ANKDD1B: variants seen among roughly 807,000 people sequenced by gnomAD.
ANKDD1B encodes the protein ankyrin repeat and death domain-containing protein 1B.
In ANKDD1B, 57 loss-of-function variants were observed where a neutral mutation model predicts 59.7. The ratio of observed to expected loss-of-function variants is 0.95; its 90% CI spans 0.77 to 1.19. The LOEUF (loss-of-function observed/expected upper bound fraction) is 1.19. Ranked by LOEUF, ANKDD1B falls within the 50% of genes most tolerant of loss-of-function variation. The probability of loss-of-function intolerance (pLI) is 0.00; values close to 1 mark genes in which losing one functional copy is unlikely to be tolerated. For synonymous variants in ANKDD1B, 216 were observed against 239.5 expected (o/e 0.90, Z 0.91); for missense variants, 602 against 641.9 (o/e 0.94, Z 0.67).
chr5:75,637,669 G>GT (rs1031415966), intron 7 of ANKDD1B, among the ~76,000 whole-genome samples: 1 of 151,990 alleles, frequency 6.6e-6, no homozygotes, highest in African/African-American at 2.4e-5. Context: ...TAGACTTTTA[G>GT]TTTTTTACAT....
At chr5:75,658,172 G>A (rs1187506891) in intron 9 of ANKDD1B, among the ~76,000 whole-genome samples, 1 of 152,078 alleles carries the variant, frequency 6.6e-6, no homozygotes, top group Non-Finnish European at 1.5e-5. Flanking sequence ...ATTCCAGTCT[G>A]AGTGACAGAG....
chr5:75,659,593 ATT>A (rs572097711), intron 10 of ANKDD1B, among the ~76,000 whole-genome samples: 23 of 152,236 alleles, frequency 1.5e-4, no homozygotes, highest in Non-Finnish European at 3.1e-4. Flanking sequence ...GTGTTTTTAA[ATT>A]CAAATTCTGA....
intron 10 of ANKDD1B, among the ~76,000 whole-genome samples, chr5:75,662,029 C>T (rs1375006615): frequency 1.3e-5 from 2 of 148,760 alleles, no homozygotes; most frequent in African/African-American, 2.5e-5. Flanking sequence ...CTCTGCTTGT[C>T]CTCTTGGCCT....
chr5:75,648,269 A>AAAAATT (rs1554068900), intron 7 of ANKDD1B, among the ~76,000 whole-genome samples: 1 of 35,982 alleles, frequency 2.8e-5, no homozygotes, highest in African/African-American at 1.0e-4. Flanking sequence ...AAAAAAATTA[A>AAAAATT]AAAAAAAAAA....
intron 9 of ANKDD1B, 91 bp downstream of exon 9, chr5:75,656,218 C>A: frequency 1.7e-6 from 1 of 576,666 alleles, no homozygotes; most frequent in South Asian, 2.4e-5. Context: ...GTTCAAGGTA[C>A]CTAAAAATTC....
chr5:75,648,253 T>TAAAAAATAAAAAATA (rs1774699448), intron 7 of ANKDD1B, among the ~76,000 whole-genome samples: 3 of 37,294 alleles, frequency 8.0e-5, no homozygotes, highest in African/African-American at 2.9e-4. Context: ...AAAGTATAAT[T>TAAAAAATAAAAAATA]AAAAAAAAAA....
chr5:75,662,514 T>G (rs1317254964), intron 10 of ANKDD1B, among the ~76,000 whole-genome samples: 1 of 152,168 alleles, frequency 6.6e-6, no homozygotes, highest in Non-Finnish European at 1.5e-5. Flanking sequence ...TTTCTGACCA[T>G]TAATTTTAAT....
intron 1 of ANKDD1B, among the ~76,000 whole-genome samples, chr5:75,612,950 A>G (rs1464572338): frequency 6.6e-6 from 1 of 152,240 alleles, no homozygotes; most frequent in Non-Finnish European, 1.5e-5. Context: ...CAAAGGAAAA[A>G]GAGCCAGTAG....
intron 5 of ANKDD1B, 23 bp downstream of exon 5, chr5:75,625,978 G>A: frequency 6.9e-7 from 1 of 1,455,162 alleles, no homozygotes; most frequent in Admixed American, 2.0e-5. Flanking sequence ...TGGTTGTGTA[G>A]GTCTTGCATA....
chr5:75,669,110 G>A lies in ANKDD1B; in HGVS notation c.1394-142G>A, dbSNP rs1775397613. 3.9e-6 allele frequency: 3 copies of A among 759,794 alleles called. No individual in the cohort carries two copies. The African/African-American group carries it at 5.4e-5, about 14-fold the overall frequency. The allele number at this position is 759,794 out of a possible 1,614,324, so 47.1% of individuals were successfully genotyped here. ...ATGCTGGTCATCATAAAGCAGCACA[G>A]CGAGGGCAACTGGAAGGGCTTTTTT... On this transcript the variant is annotated intron_variant, in intron 12 of 13. Coordinates refer to ENST00000601380, the MANE Select transcript of ANKDD1B (RefSeq NM_001276713.2).
At chr5:75,617,991 CTG>C (rs907144134) in intron 2 of ANKDD1B, among the ~76,000 whole-genome samples, 12 of 151,342 alleles carry the variant, frequency 7.9e-5, no homozygotes, top group Non-Finnish European at 1.6e-4. Context: ...ATTGGTATGT[CTG>C]TGTATAATGT....
Position 75,669,251 on chromosome 5 carries a change from G to C in ANKDD1B, c.1394-1G>C. 8.1e-7 allele frequency: 1 copy of C among 1,232,116 alleles called. No homozygotes were observed. The highest frequency in any genetic ancestry group is 3.2e-5 in the East Asian group (1 of 31,710). The allele number at this position is 1,232,116 out of a possible 1,614,324, so 76.3% of individuals were successfully genotyped here. On this transcript the variant is annotated splice_acceptor_variant, in intron 12 of 13. Coordinates refer to ENST00000601380, the MANE Select transcript of ANKDD1B (RefSeq NM_001276713.2). LOFTEE classifies it high-confidence loss of function. ...CCTCGGACCTCTTGTGCTTGGCACA[G>C]GAAATGAAAGCTTCCGTGAACATGG...
chr5:75,621,216 C>T (rs564637675), intron 3 of ANKDD1B, among the ~76,000 whole-genome samples: 13 of 152,180 alleles, frequency 8.5e-5, no homozygotes, highest in Non-Finnish European at 1.3e-4. Flanking sequence ...TTTCCCCTAC[C>T]TTCTCTGTTC....
intron 13 of ANKDD1B, 93 bp downstream of exon 13, chr5:75,669,476 G>C: frequency 8.9e-7 from 1 of 1,129,264 alleles, no homozygotes. Flanking sequence ...TACAGCCCCA[G>C]CGTGGTGTTA....
intron 1 of ANKDD1B, among the ~76,000 whole-genome samples, chr5:75,615,394 T>C (rs189330668): frequency 6.6e-6 from 1 of 152,030 alleles, no homozygotes; most frequent in African/African-American, 2.4e-5. Context: ...TGTGAGGAGG[T>C]TGAAGTCACC....
At chr5:75,667,357 A>G (rs996722900) in intron 12 of ANKDD1B, among the ~76,000 whole-genome samples, 10 of 152,214 alleles carry the variant, frequency 6.6e-5, no homozygotes, top group Non-Finnish European at 1.2e-4. Flanking sequence ...TCTGATTTCT[A>G]TGTTCCTTGA....
At chr5:75,633,328 T>G (rs1445504263) in intron 5 of ANKDD1B, among the ~76,000 whole-genome samples, 1 of 152,210 alleles carries the variant, frequency 6.6e-6, no homozygotes, top group African/African-American at 2.4e-5. Flanking sequence ...AATTTGTTTC[T>G]CCAGCTTCCA....
At chr5:75,670,078 G>T (rs1003301096) in intron 13 of ANKDD1B, among the ~76,000 whole-genome samples, 1 of 152,166 alleles carries the variant, frequency 6.6e-6, no homozygotes, top group Admixed American at 6.5e-5. Flanking sequence ...GCAGTAGTAG[G>T]TACAAGGAAC....
intron 2 of ANKDD1B, among the ~76,000 whole-genome samples, chr5:75,619,713 A>G (rs1373795722): frequency 1.3e-5 from 2 of 152,226 alleles, no homozygotes; most frequent in Non-Finnish European, 2.9e-5. Context: ...TGGGTATCCC[A>G]GGAGCATCAT....
Sources: allele counts gnomAD v4.1 joint callset (sites outside exome capture counted in the v4.1 genomes callset), GRCh38; gene constraint gnomAD v4.1.1; transcripts MANE v1.5; gene names NCBI Gene and HGNC (gene_info 2026-07-23, HGNC 2026-07-21).